The following THAP12 variants were observed in gnomAD, a reference collection of about 807,000 sequenced individuals.
THAP12 encodes the protein THAP domain containing 12.
In THAP12, 20 loss-of-function variants were observed where a neutral mutation model predicts 63.0. The ratio of observed to expected loss-of-function variants is 0.32; its 90% CI spans 0.22 to 0.46. The LOEUF (loss-of-function observed/expected upper bound fraction) is 0.46, where lower values mean the gene tolerates loss of function less well. THAP12 is among the 20% of genes least tolerant of loss of function. The pLI, the probability that THAP12 is intolerant of heterozygous loss-of-function variation, is 1.00. For synonymous variants in THAP12, 264 were observed against 328.4 expected, an observed-to-expected ratio of 0.80 and a Z score of 2.12; for missense variants, 568 against 908.2, an observed-to-expected ratio of 0.63 and a Z score of 4.81.
chr11:76,379,523 G>A (rs932330938), intron 1 of THAP12, among the ~76,000 whole-genome samples: 9 of 152,126 alleles, frequency 5.9e-5, no homozygotes, highest in Admixed American at 5.9e-4. Context: ...ACTCCTGGTT[G>A]CCCTGTCTTT....
rs544121663 is a variant in THAP12 at position 76,368,888 on chromosome 11, G to A, written c.90-2916C>T. ...TAAGGCAACAGCACAAATGCTAGAG[G>A]AAAAGATATATAAATTAGGCTACTT... On this transcript the variant is annotated intron_variant, in intron 1 of 4. Coordinates refer to ENST00000260045, the MANE Select transcript of THAP12 (RefSeq NM_004705.4). Among the ~76,000 whole-genome samples, 33 of 152,282 alleles carry A rather than the reference G, an allele frequency of 2.2e-4. 2 individuals carry two copies. In the South Asian group the frequency reaches 6.8e-3, roughly 32 times the overall value.
At chr11:76,358,639 T>TA (rs1177606482) in intron 3 of THAP12, 33 of 150,338 alleles carry the variant, frequency 2.2e-4, no homozygotes, top group East Asian at 3.9e-4. Flanking sequence ...ACTCCATCTA[T>TA]AAAAAAAAAT....
chr11:76,367,692 G>C (rs1393914609), intron 1 of THAP12, among the ~76,000 whole-genome samples: 1 of 152,054 alleles, frequency 6.6e-6, no homozygotes, highest in Non-Finnish European at 1.5e-5. Flanking sequence ...CAAAGTGCTA[G>C]GATTACAGGC....
At position 76,351,628 on chromosome 11, in the gene THAP12, A is replaced by C. The variant is rs531041543; in HGVS notation, c.1522T>G (p.Phe508Val). ...KNLQGQTSDV[F>V]FAAGSLTAVL... ...GCAGTCAAGCTACCGGCCGCAAAGA[A>C]GACATCAGAGGTTTGCCCCTGGAGG... The change falls in exon 5 of 5, where the codon TTC (phenylalanine) becomes GTC (valine). Residue 508 changes from phenylalanine to valine, a missense_variant. Phe to Val is a conservative substitution (Grantham distance 50). Coordinates refer to ENST00000260045, the MANE Select transcript of THAP12 (RefSeq NM_004705.4). 14 of 1,583,960 alleles carry C rather than the reference A, an allele frequency of 8.8e-6. No homozygotes were observed. The highest frequency in any genetic ancestry group is 1.7e-6 in the Non-Finnish European group (2 of 1,163,390).
rs745601773 is a variant in THAP12 at position 76,355,833 on chromosome 11, T to G, written c.319-179A>C. ...CAAACAGACAATGAGAAAACCAGAA[T>G]AAGCTGTTAATGACTCCAAGGTTAT... On this transcript the variant is annotated intron_variant, in intron 3 of 4. Coordinates refer to ENST00000260045, the MANE Select transcript of THAP12 (RefSeq NM_004705.4). The G allele has an allele frequency of 2.5e-4, 123 of 484,846 alleles. No homozygotes were observed. The Middle Eastern group carries it at 2.7e-3, about 10-fold the overall frequency. The allele number at this position is 484,846 out of a possible 1,614,324, so 30.0% of individuals were successfully genotyped here. A position where few individuals can be genotyped will look rare whatever the true frequency, so the allele number is the denominator to read the frequency against.
In THAP12 at chr11:76,355,611, CACTT is replaced by C; in HGVS notation, c.355+3_355+6del. On this transcript the variant is annotated splice_donor_5th_base_variant and intron_variant, in intron 4 of 4. Transcript: ENST00000260045. ...TCAGAAGTTGAGTCATTAACACTAT[CACTT>C]ACTTTTTTTCTGTTTCAGTGTCCTG... is the stretch of plus-strand genomic sequence containing the variant. 1 of 1,596,534 alleles carries C rather than the reference CACTT, an allele frequency of 6.3e-7. No individual in the cohort carries two copies.
intron 4 of THAP12, among the ~76,000 whole-genome samples, chr11:76,353,744 C>A (rs987596641): frequency 3.1e-4 from 47 of 152,358 alleles, no homozygotes; most frequent in African/African-American, 1.1e-3. Context: ...GGTGCAGTGG[C>A]TTACGCCTGT....
intron 1 of THAP12, among the ~76,000 whole-genome samples, chr11:76,377,311 T>G (rs1407648587): frequency 6.6e-6 from 1 of 152,144 alleles, no homozygotes; most frequent in Non-Finnish European, 1.5e-5. Context: ...AATTAACACA[T>G]TCATCATGTT....
At chr11:76,371,084 T>C (rs1392230181) in intron 1 of THAP12, among the ~76,000 whole-genome samples, 1 of 152,084 alleles carries the variant, frequency 6.6e-6, no homozygotes, top group Non-Finnish European at 1.5e-5. Flanking sequence ...TCTCCATCAA[T>C]AACACCCTGG....
In THAP12 at chr11:76,355,643, T is replaced by C; in HGVS notation, c.330A>G (p.Glu110=). Residue 110 remains glutamate, a synonymous_variant, in exon 4 of 5, where the codon GAA becomes GAG. Coordinates refer to ENST00000260045, the MANE Select transcript of THAP12 (RefSeq NM_004705.4). ...TTTTTTTCTGTTTCAGTGTCCTGATTTCATCTTCACTCTAAATGTCAAGAA... is the reference window on the plus strand; with the variant it reads ...TTTTTTTCTGTTTCAGTGTCCTGATCTCATCTTCACTCTAAATGTCAAGAA... ...RKRIKELSED[E]IRTLKQKKID... is the part of the protein sequence containing the mutation. 1 of 1,595,362 alleles carries C rather than the reference T, an allele frequency of 6.3e-7. No individual in the cohort carries two copies. Among genetic ancestry groups the C allele is most frequent in the Non-Finnish European group, 8.5e-7 (1 of 1,172,722 alleles).
intron 1 of THAP12, among the ~76,000 whole-genome samples, chr11:76,372,205 A>T (rs2851157): frequency 7.2e-5 from 11 of 152,182 alleles, no homozygotes; most frequent in African/African-American, 2.2e-4. Context: ...CCTCCCGCCT[A>T]AACCTCACAA....
chr11:76,377,022 G>A (rs1402769601), intron 1 of THAP12, among the ~76,000 whole-genome samples: 1 of 152,168 alleles, frequency 6.6e-6, no homozygotes, highest in Non-Finnish European at 1.5e-5. Flanking sequence ...TCACTGTACT[G>A]AGCGAGTTCT....
rs77749358 is a variant in THAP12, at chr11:76,370,353, G to A, written c.90-4381C>T. Among the ~76,000 whole-genome samples, 1,444 of 146,432 alleles carry A rather than the reference G, an allele frequency of 9.9e-3. 25 individuals carry two copies. The highest frequency in any genetic ancestry group is 0.034 in the African/African-American group (1,401 of 41,232). On this transcript the variant is annotated intron_variant, in intron 1 of 4. Transcript: ENST00000260045. ...ACAGTTATCATTTGTGATCTTCTGT[G>A]CATATGTTTTTTGGGGTTTTTTTTT...
intron 1 of THAP12, among the ~76,000 whole-genome samples, chr11:76,375,896 G>A (rs1208268523): frequency 1.3e-5 from 2 of 152,292 alleles, no homozygotes; most frequent in Non-Finnish European, 2.9e-5. Context: ...CATGTAGTAC[G>A]AGGAGGTTTG....
intron 1 of THAP12, among the ~76,000 whole-genome samples, chr11:76,372,100 C>T (rs1405772679): frequency 1.3e-5 from 2 of 150,268 alleles, no homozygotes; most frequent in African/African-American, 2.4e-5. Flanking sequence ...CGTGAGCCAT[C>T]GTGCCTGGCC....
At chr11:76,373,812 T>C (rs1192903084) in intron 1 of THAP12, among the ~76,000 whole-genome samples, 3 of 152,154 alleles carry the variant, frequency 2.0e-5, no homozygotes, top group Admixed American at 2.0e-4. Context: ...TATTACATTA[T>C]TGAGGACTCC....
At position 76,368,265 on chromosome 11, in the gene THAP12, A is replaced by C. The variant is rs551881017; in HGVS notation, c.90-2293T>G. On this transcript the variant is annotated intron_variant, in intron 1 of 4. Transcript: ENST00000260045. Reference sequence around the variant, plus strand: ...TTCTATATGAACTACTTAAGAATAAATCTAGTGAAAGAAGTGCAAGACCTC... The same window carrying C: ...TTCTATATGAACTACTTAAGAATAACTCTAGTGAAAGAAGTGCAAGACCTC... 2.4e-4 allele frequency among the ~76,000 whole-genome samples: 36 copies of C among 152,378 alleles called. No individual in the cohort carries two copies. The South Asian group carries it at 7.2e-3, about 31-fold the overall frequency.
chr11:76,377,237 AT>A (rs1946717697), intron 1 of THAP12, among the ~76,000 whole-genome samples: 1 of 152,118 alleles, frequency 6.6e-6, no homozygotes, highest in Non-Finnish European at 1.5e-5. Context: ...CAAGACATCT[AT>A]TTTCTTTGAG....
At chr11:76,360,919 G>T (rs1210974490) in intron 3 of THAP12, 37 bp downstream of exon 3, 3 of 1,350,480 alleles carry the variant, frequency 2.2e-6, no homozygotes, top group African/African-American at 1.4e-5. Flanking sequence ...ATAGTATTAT[G>T]GGGGAAGGTG....
Sources: allele counts gnomAD v4.1 joint callset (sites outside exome capture counted in the v4.1 genomes callset), GRCh38; gene constraint gnomAD v4.1.1; transcripts MANE v1.5; gene names NCBI Gene and HGNC (gene_info 2026-07-23, HGNC 2026-07-21).